EYA4: variants seen among roughly 807,000 people sequenced by gnomAD.
EYA4 encodes EYA transcriptional coactivator and phosphatase 4.
Under a neutral mutation model 87.9 loss-of-function variants are expected in EYA4, and 31 were observed. The observed-to-expected ratio is 0.35, with a 90% CI of 0.27 to 0.48. The LOEUF (loss-of-function observed/expected upper bound fraction) is 0.48, where lower values mean the gene tolerates loss of function less well. Among genes scored for constraint, EYA4 ranks in the 20% least tolerant of loss-of-function variants. EYA4 has a pLI of 0.99. For missense variants in EYA4, 678 were observed against 761.4 expected, an observed-to-expected ratio of 0.89 and a Z score of 1.29; for synonymous variants, 263 against 270.6, an observed-to-expected ratio of 0.97 and a Z score of 0.28.
At position 133,530,370 on chromosome 6, in the gene EYA4, C is replaced by G. The variant is rs1800938692; in HGVS notation, c.*1565C>G. 1.0e-6 allele frequency: 1 copy of G among 985,404 alleles called. No individual in the cohort carries two copies. The highest frequency in any genetic ancestry group is 1.2e-6 in the Non-Finnish European group (1 of 829,916). The allele number at this position is 985,404 out of a possible 1,614,324, so 61.0% of individuals were successfully genotyped here. ...CCTTGTGTGTAGCCCATGTTGGGAA[C>G]ACGATACAGGTTCTCCTCTTATTTC... On this transcript the variant is annotated 3_prime_UTR_variant, in exon 20 of 20. Transcript: ENST00000355286.
intron 2 of EYA4, among the ~76,000 whole-genome samples, chr6:133,329,376 G>T (rs546316461): frequency 1.3e-4 from 20 of 152,172 alleles, no homozygotes; most frequent in African/African-American, 4.8e-4. Flanking sequence ...GAATAAAGAA[G>T]AAATGATAAT....
At chr6:133,396,557 C>T (rs932708877) in intron 3 of EYA4, among the ~76,000 whole-genome samples, 2 of 152,168 alleles carry the variant, frequency 1.3e-5, no homozygotes, top group Non-Finnish European at 2.9e-5. Context: ...GTGGCTGAGA[C>T]ACTGACATTT....
chr6:133,495,998 A>T (rs968472175), intron 13 of EYA4, among the ~76,000 whole-genome samples: 1 of 152,226 alleles, frequency 6.6e-6, no homozygotes. Flanking sequence ...TTTTATAGCC[A>T]TTCAATGCAT....
At chr6:133,422,729 G>T (rs568964665) in intron 3 of EYA4, among the ~76,000 whole-genome samples, 1 of 152,250 alleles carries the variant, frequency 6.6e-6, no homozygotes, top group Non-Finnish European at 1.5e-5. Context: ...ATATTTCAAA[G>T]ATTTCAATAA....
intron 1 of EYA4, among the ~76,000 whole-genome samples, chr6:133,257,869 A>G (rs556028045): frequency 1.3e-5 from 2 of 151,258 alleles, no homozygotes; most frequent in East Asian, 3.9e-4. Flanking sequence ...TCATTCATGC[A>G]TGCATTTATG....
intron 2 of EYA4, among the ~76,000 whole-genome samples, chr6:133,308,068 T>A (rs956193949): frequency 1.3e-5 from 2 of 152,256 alleles, no homozygotes; most frequent in Non-Finnish European, 1.5e-5. Context: ...GTGCCTTTGC[T>A]CCTCCTTTGC....
intron 2 of EYA4, 148 bp from the exon 3 acceptor site, chr6:133,382,244 A>G (rs1786283908): frequency 1.4e-6 from 1 of 721,324 alleles, no homozygotes; most frequent in African/African-American, 1.7e-5. Context: ...GAAATACACT[A>G]TTTAGTACTG....
intron 5 of EYA4, chr6:133,453,759 AATGTTAG>A (rs1328965131): frequency 6.6e-6 from 1 of 152,102 alleles, no homozygotes; most frequent in Non-Finnish European, 1.5e-5. Flanking sequence ...CTTCCCCTCA[AATGTTAG>A]CATCCATTAC....
At chr6:133,258,058 T>G (rs1775484613) in intron 1 of EYA4, among the ~76,000 whole-genome samples, 1 of 152,190 alleles carries the variant, frequency 6.6e-6, no homozygotes, top group Non-Finnish European at 1.5e-5. Flanking sequence ...ATTAAGACAT[T>G]AAGAAAACCA....
At chr6:133,385,440 T>TGAGA (rs757918130) in intron 3 of EYA4, among the ~76,000 whole-genome samples, 11 of 103,968 alleles carry the variant, frequency 1.1e-4, no homozygotes, top group African/African-American at 3.8e-4. Context: ...TGTGTGTGTG[T>TGAGA]GAGAGAGAGA....
intron 13 of EYA4, among the ~76,000 whole-genome samples, chr6:133,500,508 C>T (rs546569923): frequency 4.6e-5 from 7 of 152,252 alleles, no homozygotes; most frequent in Non-Finnish European, 8.8e-5. Flanking sequence ...TGAACTCTTC[C>T]TATTGGAGGT....
At chr6:133,243,914 G>A (rs937127661) in intron 1 of EYA4, among the ~76,000 whole-genome samples, 4 of 152,082 alleles carry the variant, frequency 2.6e-5, no homozygotes, top group African/African-American at 9.7e-5. Context: ...CAACAATATC[G>A]AAAGCAGACA....
intron 2 of EYA4, among the ~76,000 whole-genome samples, chr6:133,335,169 A>G (rs1782272348): frequency 6.6e-6 from 1 of 152,210 alleles, no homozygotes; most frequent in South Asian, 2.1e-4. Context: ...AGAAAATTAA[A>G]CATCTGAAAA....
chr6:133,490,786 T>C (rs1427135499), intron 13 of EYA4, among the ~76,000 whole-genome samples: 1 of 152,122 alleles, frequency 6.6e-6, no homozygotes, highest in Non-Finnish European at 1.5e-5. Flanking sequence ...ACTTTCAACA[T>C]TGGGCACATC....
At chr6:133,393,401 A>T (rs1468451136) in intron 3 of EYA4, among the ~76,000 whole-genome samples, 1 of 152,174 alleles carries the variant, frequency 6.6e-6, no homozygotes, top group East Asian at 1.9e-4. Flanking sequence ...TTAGAAGGTA[A>T]TACATAACCA....
intron 16 of EYA4, 111 bp downstream of exon 16, chr6:133,513,149 T>A: frequency 8.7e-7 from 1 of 1,149,390 alleles, no homozygotes; most frequent in Non-Finnish European, 1.3e-6. Flanking sequence ...CAAAAGCTCA[T>A]ATTAAACCAC....
At chr6:133,480,762 A>G (rs1796138988) in intron 11 of EYA4, among the ~76,000 whole-genome samples, 1 of 152,208 alleles carries the variant, frequency 6.6e-6, no homozygotes, top group South Asian at 2.1e-4. Flanking sequence ...AAAAACTTTA[A>G]AATATTATAT....
intron 2 of EYA4, among the ~76,000 whole-genome samples, chr6:133,337,315 G>A (rs1002040935): frequency 1.3e-5 from 2 of 152,120 alleles, no homozygotes; most frequent in Non-Finnish European, 2.9e-5. Context: ...AGAGAGAGAA[G>A]CACAAGATAT....
intron 3 of EYA4, among the ~76,000 whole-genome samples, chr6:133,393,823 T>TCTTAAAATTCTAGAAAAAGTTATATC (rs1562368368): frequency 6.6e-6 from 1 of 152,190 alleles, no homozygotes; most frequent in African/African-American, 2.4e-5. Flanking sequence ...ACACATCTTC[T>TCTTAAAATTCTAGAAAAAGTTATATC]AAGACTAGGG....
Sources: gnomAD v4.1 joint callset for allele counts (sites outside exome capture counted in the v4.1 genomes callset) on GRCh38, gnomAD v4.1.1 for gene constraint, MANE v1.5 for transcripts, NCBI Gene and HGNC (gene_info 2026-07-23, HGNC 2026-07-21) for gene names.